The following SEMA3C variants were observed in gnomAD, a reference collection of about 807,000 sequenced individuals.
SEMA3C encodes the protein semaphorin-3C.
SEMA3C carries 47 observed loss-of-function variants against 89.4 expected under a neutral mutation model. The ratio of observed to expected loss-of-function variants is 0.53; its 90% confidence interval spans 0.42 to 0.67. SEMA3C has a LOEUF of 0.67. SEMA3C is among the 30% of genes least tolerant of loss of function. SEMA3C has a pLI of 0.00. For synonymous variants in SEMA3C, 310 were observed against 320.2 expected, an observed-to-expected ratio of 0.97 and a Z score of 0.34; for missense variants, 839 against 929.1, an observed-to-expected ratio of 0.90 and a Z score of 1.26.
At chr7:80,874,878 C>T (rs538940265) in intron 2 of SEMA3C, among the ~76,000 whole-genome samples, 3 of 152,046 alleles carry the variant, frequency 2.0e-5, no homozygotes, top group South Asian at 4.2e-4. Flanking sequence ...GTCAGGAGTT[C>T]GAGACCAGCC....
chr7:80,859,180 G>C (rs1790714581), intron 2 of SEMA3C, among the ~76,000 whole-genome samples: 2 of 151,832 alleles, frequency 1.3e-5, no homozygotes, highest in African/African-American at 4.8e-5. Context: ...TGTGTGTGTA[G>C]GTGCAAAGAA....
chr7:80,898,364 T>A (rs1049439729), intron 2 of SEMA3C, among the ~76,000 whole-genome samples: 5 of 150,516 alleles, frequency 3.3e-5, no homozygotes, highest in African/African-American at 1.2e-4. Flanking sequence ...AGATTTTGTC[T>A]CAAAACAAAC....
At chr7:80,919,252 C>A (rs1374673316), upstream of SEMA3C, 1 of 985,118 alleles carries the variant, frequency 1.0e-6, no homozygotes, top group East Asian at 1.1e-4. Context: ...GGGGGCGGAC[C>A]GGGCGGGGCC....
chr7:80,906,433 A>G (rs1234157922), intron 2 of SEMA3C, among the ~76,000 whole-genome samples: 1 of 152,184 alleles, frequency 6.6e-6, no homozygotes. Context: ...ACCTTTAACT[A>G]CATTCCTGCT....
intron 2 of SEMA3C, chr7:80,905,741 A>G (rs932932654): frequency 1.5e-6 from 1 of 671,048 alleles, no homozygotes; most frequent in African/African-American, 1.9e-5. Flanking sequence ...TTAAAATGTC[A>G]CCTTCTGTGA....
rs558497194 is a variant in SEMA3C, at chr7:80,750,569, ATTGTAATAT to A, written c.1711+691_1711+699del. ...CAATTCATCCTTAAACATGAAGAAA[ATTGTAATAT>A]ATTTTACAATATAAATGGACCTTGA... On this transcript the variant is annotated intron_variant, in intron 16 of 17. Coordinates refer to ENST00000265361, the MANE Select transcript of SEMA3C (RefSeq NM_006379.5). Among the ~76,000 whole-genome samples, 654 of 150,798 alleles carry A rather than the reference ATTGTAATAT, an allele frequency of 4.3e-3. 4 individuals are homozygous for A. The highest frequency in any genetic ancestry group is 0.015 in the African/African-American group (615 of 41,016).
At chr7:80,839,850 T>C (rs1474017926) in intron 2 of SEMA3C, among the ~76,000 whole-genome samples, 1 of 151,804 alleles carries the variant, frequency 6.6e-6, no homozygotes, top group Non-Finnish European at 1.5e-5. Flanking sequence ...GTGACCACAC[T>C]GGAACCACAT....
chr7:80,751,167 A>G lies in SEMA3C; in HGVS notation c.1711+102T>C, dbSNP rs560982498. 6 of 921,748 alleles carry G rather than the reference A, an allele frequency of 6.5e-6. No individual in the cohort carries two copies. In the East Asian group the frequency reaches 7.7e-5, roughly 12 times the overall value. The allele number at this position is 921,748 out of a possible 1,614,324, so 57.1% of individuals were successfully genotyped here. A position where few individuals can be genotyped will look rare whatever the true frequency, so the allele number is the denominator to read the frequency against. ...AGAATTGTTATAATAAATATTTTTGAAAGTGAAACGCCTGAATCTATGACA... is the reference window on the plus strand; with the variant it reads ...AGAATTGTTATAATAAATATTTTTGGAAGTGAAACGCCTGAATCTATGACA... On this transcript the variant is annotated intron_variant, in intron 16 of 17. Coordinates refer to ENST00000265361, the MANE Select transcript of SEMA3C (RefSeq NM_006379.5).
At chr7:80,752,742 T>C (rs974694265) in intron 15 of SEMA3C, among the ~76,000 whole-genome samples, 1 of 152,172 alleles carries the variant, frequency 6.6e-6, no homozygotes, top group East Asian at 1.9e-4. Context: ...AGTGGTATTA[T>C]GTAGTCTAAG....
intron 2 of SEMA3C, among the ~76,000 whole-genome samples, chr7:80,879,891 T>C (rs1177659707): frequency 1.3e-5 from 2 of 152,212 alleles, no homozygotes; most frequent in Non-Finnish European, 2.9e-5. Flanking sequence ...AAGGTTTCTC[T>C]GTGACGTTTA....
At chr7:80,779,933 G>C (rs1246997287) in intron 12 of SEMA3C, among the ~76,000 whole-genome samples, 1 of 152,136 alleles carries the variant, frequency 6.6e-6, no homozygotes, top group East Asian at 1.9e-4. Context: ...AGGAGTTAAG[G>C]ACCTTACTTC....
At chr7:80,792,867 T>C (rs1788976808) in intron 11 of SEMA3C, among the ~76,000 whole-genome samples, 1 of 152,174 alleles carries the variant, frequency 6.6e-6, no homozygotes, top group Admixed American at 6.5e-5. Context: ...TGATTGCCCT[T>C]TGTAGACTCT....
At chr7:80,795,880 C>G (rs890706556) in intron 11 of SEMA3C, among the ~76,000 whole-genome samples, 3 of 152,132 alleles carry the variant, frequency 2.0e-5, no homozygotes, top group Non-Finnish European at 4.4e-5. Flanking sequence ...TTTCAAGTTA[C>G]CACTCTAATG....
chr7:80,785,007 T>TACTTCCTCTTTCCCTTCCTC (rs1364464397), intron 12 of SEMA3C, among the ~76,000 whole-genome samples: 7 of 152,122 alleles, frequency 4.6e-5, no homozygotes, highest in African/African-American at 1.7e-4. Flanking sequence ...TTTCCTTCCT[T>TACTTCCTCTTTCCCTTCCTC]ACTTCCTCTT....
rs1218885274 is a variant in SEMA3C at position 80,872,797 on chromosome 7, C to CAA, written c.103+43880_103+43881dup. Among the ~76,000 whole-genome samples the CAA allele has an allele frequency of 5.1e-3, 203 of 40,008 alleles. 5 individuals are homozygous for CAA. Among genetic ancestry groups the CAA allele is most frequent in the African/African-American group, 0.011 (131 of 11,822 alleles). 26.2% of individuals were successfully genotyped at this position (40,008 alleles called of 152,430 possible). A position where few individuals can be genotyped will look rare whatever the true frequency, so the allele number is the denominator to read the frequency against. ...GCCTGGCAACAGAGCGAGACTCTGT[C>CAA]AAAAAAAAAAAAAAAAAAAAAAAAG... On this transcript the variant is annotated intron_variant, in intron 2 of 17. Coordinates refer to ENST00000265361, the MANE Select transcript of SEMA3C (RefSeq NM_006379.5).
At chr7:80,918,680 G>T in intron 1 of SEMA3C, 148 bp downstream of exon 1, 1 of 367,850 alleles carries the variant, frequency 2.7e-6, no homozygotes, top group Non-Finnish European at 3.8e-6. Context: ...AGGGCTCTCA[G>T]CAAGGGGAAA....
intron 2 of SEMA3C, among the ~76,000 whole-genome samples, chr7:80,847,819 T>C (rs946467370): frequency 3.3e-5 from 5 of 152,170 alleles, no homozygotes; most frequent in South Asian, 2.1e-4. Context: ...ACAACAACCT[T>C]GTTCATACAA....
At chr7:80,779,615 T>C (rs1241855109) in intron 12 of SEMA3C, among the ~76,000 whole-genome samples, 2 of 152,210 alleles carry the variant, frequency 1.3e-5, no homozygotes, top group Non-Finnish European at 2.9e-5. Flanking sequence ...TAATGTATCC[T>C]CTACATCATC....
At chr7:80,809,642 T>G (rs554909472) in intron 6 of SEMA3C, among the ~76,000 whole-genome samples, 2 of 152,216 alleles carry the variant, frequency 1.3e-5, no homozygotes, top group South Asian at 2.1e-4. Context: ...GGTATTTCAT[T>G]GTCTATACTC....
Sources: gnomAD v4.1 joint callset for allele counts (sites outside exome capture counted in the v4.1 genomes callset) on GRCh38, gnomAD v4.1.1 for gene constraint, MANE v1.5 for transcripts, NCBI Gene and HGNC (gene_info 2026-07-23, HGNC 2026-07-21) for gene names.